Variants in CDIN1 observed in about 807,000 individuals in gnomAD.
The protein encoded by CDIN1 is CDAN1-interacting nuclease 1.
Under a neutral mutation model 45.3 loss-of-function variants are expected in CDIN1, and 33 were observed. That is an observed-to-expected ratio of 0.73 (90% CI 0.55 to 0.97). CDIN1 has a LOEUF of 0.97. Ranked by LOEUF, CDIN1 falls within the 50% of genes least tolerant of loss-of-function variation. CDIN1 has a pLI of 0.00. For missense variants in CDIN1, 303 were observed against 339.4 expected (o/e 0.89, Z 0.84); for synonymous variants, 118 against 124.4 (o/e 0.95, Z 0.34).
At chr15:36,735,553 A>C (rs1464057820) in intron 10 of CDIN1, among the ~76,000 whole-genome samples, 2 of 152,134 alleles carry the variant, frequency 1.3e-5, no homozygotes, top group African/African-American at 4.8e-5. Flanking sequence ...AGACATACAT[A>C]TGTGCATATA....
chr15:36,580,926 A>G (rs1439169190), intron 1 of CDIN1, among the ~76,000 whole-genome samples: 1 of 152,250 alleles, frequency 6.6e-6, no homozygotes, highest in Non-Finnish European at 1.5e-5. Flanking sequence ...AAAGAAAGGT[A>G]ATTGGATAAT....
intron 1 of CDIN1, among the ~76,000 whole-genome samples, chr15:36,594,022 G>T (rs1308012978): frequency 6.6e-6 from 1 of 152,188 alleles, no homozygotes; most frequent in Non-Finnish European, 1.5e-5. Context: ...ATGTATTCTA[G>T]AATGGTGCCT....
At chr15:36,786,517 T>C in intron 10 of CDIN1, among the ~76,000 whole-genome samples, 1 of 152,232 alleles carries the variant, frequency 6.6e-6, no homozygotes, top group East Asian at 1.9e-4. Flanking sequence ...TAATCCTGTG[T>C]CCTTCTGATT....
At chr15:36,762,797 C>G (rs2053807374) in intron 10 of CDIN1, among the ~76,000 whole-genome samples, 1 of 152,140 alleles carries the variant, frequency 6.6e-6, no homozygotes, top group Non-Finnish European at 1.5e-5. Flanking sequence ...CCAGCTTCAT[C>G]CATGTCCCTA....
chr15:36,588,836 G>A (rs1304871818), intron 1 of CDIN1, among the ~76,000 whole-genome samples: 1 of 152,156 alleles, frequency 6.6e-6, no homozygotes, highest in African/African-American at 2.4e-5. Flanking sequence ...TTGTGTAGCT[G>A]CGAAAGGGAT....
intron 10 of CDIN1, among the ~76,000 whole-genome samples, chr15:36,784,989 A>T (rs1333449430): frequency 1.3e-5 from 2 of 152,144 alleles, no homozygotes; most frequent in Non-Finnish European, 2.9e-5. Context: ...TGTTTTGGCC[A>T]TGAGGAGATG....
intron 10 of CDIN1, among the ~76,000 whole-genome samples, chr15:36,751,649 A>T (rs1279814688): frequency 2.0e-5 from 3 of 152,174 alleles, no homozygotes; most frequent in Admixed American, 6.5e-5. Flanking sequence ...ATTACTGGGT[A>T]TATAACCAAA....
chr15:36,605,714 G>A (rs890408095), intron 1 of CDIN1, among the ~76,000 whole-genome samples: 4 of 152,150 alleles, frequency 2.6e-5, no homozygotes, highest in African/African-American at 9.7e-5. Context: ...TATACTAATT[G>A]CAGGGTGTGC....
At chr15:36,665,193 T>C (rs2041201713) in intron 5 of CDIN1, among the ~76,000 whole-genome samples, 1 of 152,192 alleles carries the variant, frequency 6.6e-6, no homozygotes, top group Admixed American at 6.5e-5. Flanking sequence ...ATAACTTATT[T>C]TCACTAGTTT....
chr15:36,666,243 G>T (rs527930584), intron 5 of CDIN1, among the ~76,000 whole-genome samples: 1 of 152,188 alleles, frequency 6.6e-6, no homozygotes, highest in South Asian at 2.1e-4. Flanking sequence ...TTATTGAGTG[G>T]AATTGTGGAA....
intron 10 of CDIN1, among the ~76,000 whole-genome samples, chr15:36,793,269 C>A (rs906649365): frequency 6.6e-6 from 1 of 152,138 alleles, no homozygotes; most frequent in East Asian, 1.9e-4. Context: ...TTCATGTTAT[C>A]TTTGCCTCAC....
At chr15:36,799,332 T>C (rs1267614845) in intron 10 of CDIN1, 1 of 152,212 alleles carries the variant, frequency 6.6e-6, no homozygotes, top group African/African-American at 2.4e-5. Context: ...TCTCTTCCCA[T>C]TTGAGAAGGT....
chr15:36,725,749 A>G (rs941912169), intron 10 of CDIN1, among the ~76,000 whole-genome samples: 16 of 152,164 alleles, frequency 1.1e-4, no homozygotes, highest in African/African-American at 3.6e-4. Flanking sequence ...CTGGTTATCC[A>G]TATTATTTTT....
At chr15:36,619,024 A>C in intron 1 of CDIN1, 3 of 1,420,748 alleles carry the variant, frequency 2.1e-6, no homozygotes, top group Non-Finnish European at 2.9e-6. Context: ...ACTTCGCTCC[A>C]ATGTAGTGTC....
At chr15:36,808,268 T>C (rs117233718) in intron 10 of CDIN1, 56 bp from the exon 11 acceptor site, 59,418 of 1,592,814 alleles carry the variant, frequency 0.037, 1,307 homozygotes, top group Non-Finnish European at 0.045. Flanking sequence ...AAGGTGACTT[T>C]TTTCAAGAGC....
At chr15:36,733,969 T>C (rs554763738) in intron 10 of CDIN1, among the ~76,000 whole-genome samples, 23 of 152,242 alleles carry the variant, frequency 1.5e-4, no homozygotes, top group Non-Finnish European at 2.4e-4. Context: ...AAACTTCATG[T>C]TAATATATTA....
chr15:36,710,910 G>A (rs1370733139), intron 10 of CDIN1, among the ~76,000 whole-genome samples: 1 of 152,114 alleles, frequency 6.6e-6, no homozygotes, highest in Non-Finnish European at 1.5e-5. Context: ...GCCTGTGGCA[G>A]CTGTGCTAAA....
chr15:36,794,716 G>A (rs2054745704), intron 10 of CDIN1, among the ~76,000 whole-genome samples: 1 of 152,030 alleles, frequency 6.6e-6, no homozygotes, highest in Non-Finnish European at 1.5e-5. Flanking sequence ...GTGGACATTT[G>A]GGTTGCTTTG....
chr15:36,685,274 G>A (rs1485622176), intron 5 of CDIN1, among the ~76,000 whole-genome samples: 2 of 151,806 alleles, frequency 1.3e-5, no homozygotes, highest in Non-Finnish European at 2.9e-5. Flanking sequence ...ATTCTGGTAT[G>A]TTGTGTCTTT....
Sources: gnomAD v4.1 joint callset for allele counts (sites outside exome capture counted in the v4.1 genomes callset) on GRCh38, gnomAD v4.1.1 for gene constraint, MANE v1.5 for transcripts, NCBI Gene and HGNC (gene_info 2026-07-23, HGNC 2026-07-21) for gene names.